Variants in CNTN5 observed in about 807,000 individuals in gnomAD.
CNTN5 encodes the protein contactin-5.
In CNTN5, 77 loss-of-function variants were observed where a neutral mutation model predicts 129.1. The observed-to-expected ratio is 0.60, with a 90% confidence interval of 0.50 to 0.72. The LOEUF (loss-of-function observed/expected upper bound fraction) is 0.72. CNTN5 is among the 30% of genes least tolerant of loss of function. The pLI is 0.00. For synonymous variants in CNTN5, 509 were observed against 465.6 expected (o/e 1.09, Z -1.20); for missense variants, 1,478 against 1,328.8 (o/e 1.11, Z -1.75).
At chr11:99,990,443 A>AAT (rs145384797) in intron 8 of CNTN5, among the ~76,000 whole-genome samples, 36,576 of 144,458 alleles carry the variant, frequency 0.25, 5,260 homozygotes, top group East Asian at 0.64. Context: ...TTATTTTTAG[A>AAT]ATATATATAT....
intron 23 of CNTN5, among the ~76,000 whole-genome samples, chr11:100,342,782 G>T (rs1376426405): frequency 6.6e-6 from 1 of 152,052 alleles, no homozygotes; most frequent in East Asian, 1.9e-4. Context: ...TTATATATGT[G>T]TATTATCAAA....
intron 3 of CNTN5, among the ~76,000 whole-genome samples, chr11:99,655,085 T>C (rs557320206): frequency 6.6e-6 from 1 of 152,054 alleles, no homozygotes; most frequent in African/African-American, 2.4e-5. Context: ...CTCATGCAGA[T>C]CCCATTCCTC....
chr11:100,192,957 A>AGT (rs1045305840), intron 14 of CNTN5, among the ~76,000 whole-genome samples: 2 of 151,892 alleles, frequency 1.3e-5, no homozygotes, highest in African/African-American at 4.8e-5. Flanking sequence ...CTTTTTGTCG[A>AGT]GTGTAAAGCA....
chr11:100,057,558 G>T (rs1943287347), intron 9 of CNTN5, among the ~76,000 whole-genome samples: 1 of 151,662 alleles, frequency 6.6e-6, no homozygotes, highest in South Asian at 2.1e-4. Flanking sequence ...AACATATGAG[G>T]CACTGGGGAC....
chr11:99,583,291 T>A (rs971251914), intron 3 of CNTN5, among the ~76,000 whole-genome samples: 1 of 152,230 alleles, frequency 6.6e-6, no homozygotes, highest in African/African-American at 2.4e-5. Context: ...TTGAGGAGGC[T>A]GTCTGCCCAT....
intron 1 of CNTN5, among the ~76,000 whole-genome samples, chr11:99,083,904 A>T (rs1865901562): frequency 6.6e-6 from 1 of 152,152 alleles, no homozygotes; most frequent in South Asian, 2.1e-4. Flanking sequence ...AGAGCCCTTA[A>T]TGTAGATTTC....
intron 18 of CNTN5, among the ~76,000 whole-genome samples, chr11:100,272,507 G>A (rs937446280): frequency 6.7e-6 from 1 of 150,218 alleles, no homozygotes; most frequent in African/African-American, 2.5e-5. Context: ...AAGGAAGGAA[G>A]GAGAATGGAG....
intron 1 of CNTN5, among the ~76,000 whole-genome samples, chr11:99,030,916 G>A (rs748207763): frequency 2.0e-5 from 3 of 151,698 alleles, no homozygotes; most frequent in African/African-American, 7.3e-5. Flanking sequence ...GAGTAGCTGC[G>A]ACTGGAGGCG....
At chr11:100,031,938 T>C (rs1763508901) in intron 9 of CNTN5, among the ~76,000 whole-genome samples, 1 of 150,936 alleles carries the variant, frequency 6.6e-6, no homozygotes, top group African/African-American at 2.5e-5. Context: ...GACCAGAAGG[T>C]GGTGACCCCC....
chr11:99,494,225 A>C (rs1463696964), intron 2 of CNTN5, among the ~76,000 whole-genome samples: 1 of 152,212 alleles, frequency 6.6e-6, no homozygotes, highest in Non-Finnish European at 1.5e-5. Context: ...ACCAAAGCCC[A>C]GATGGAATGC....
In CNTN5 at chr11:100,249,038, C is replaced by G. The variant is rs182254870; in HGVS notation, c.2006-6722C>G. On this transcript the variant is annotated intron_variant, in intron 16 of 24. Transcript: ENST00000524871. ...TTCTGAGGGAGGAATTTTCCACTTT[C>G]AAGTACTACTTCCTCATCTGAAAAA... 2.0e-4 allele frequency among the ~76,000 whole-genome samples: 30 copies of G among 152,250 alleles called. No homozygotes were observed. In the East Asian group the frequency reaches 5.6e-3, roughly 28 times the overall value.
At position 100,009,811 on chromosome 11, in the gene CNTN5, C is replaced by A. The variant is rs985758744; in HGVS notation, c.980+7675C>A. 2.6e-5 allele frequency among the ~76,000 whole-genome samples: 4 copies of A among 152,098 alleles called. No individual in the cohort carries two copies. In the East Asian group the frequency reaches 5.8e-4, roughly 22 times the overall value. ...TTGGAAACGAAAATTTAAATATTTT[C>A]TTTTGCTGGCTGCCCATCCACACAT... On this transcript the variant is annotated intron_variant, in intron 9 of 24. Transcript: ENST00000524871.
chr11:100,321,038 G>T (rs910266477), intron 21 of CNTN5, among the ~76,000 whole-genome samples: 1 of 151,932 alleles, frequency 6.6e-6, no homozygotes, highest in African/African-American at 2.4e-5. Flanking sequence ...TTGGCTATTT[G>T]GGGACTTTTG....
intron 21 of CNTN5, among the ~76,000 whole-genome samples, chr11:100,323,746 A>G (rs1427057797): frequency 2.0e-5 from 3 of 151,484 alleles, no homozygotes; most frequent in Non-Finnish European, 4.4e-5. Context: ...TCTTTTTCCA[A>G]TTCATTTTGT....
rs374266625 is a variant in CNTN5 at position 99,987,029 on chromosome 11, G to C, written c.878-15005G>C. Among the ~76,000 whole-genome samples the C allele has an allele frequency of 3.9e-5, 6 of 152,138 alleles. No individual in the cohort carries two copies. The East Asian group carries it at 1.2e-3, about 29-fold the overall frequency. ...TCCCAATAATTTAAAACAAAATATA[G>C]ATTTTTTCATAATTCCAGATTAGAA... On this transcript the variant is annotated intron_variant, in intron 8 of 24. Transcript: ENST00000524871.
At position 99,469,729 on chromosome 11, in the gene CNTN5, C is replaced by G. The variant is rs77113893; in HGVS notation, c.-70-86416C>G. On this transcript the variant is annotated intron_variant, in intron 2 of 24. Coordinates refer to ENST00000524871, the MANE Select transcript of CNTN5 (RefSeq NM_014361.4). ...TCTGTCTATGGTTTTATTTATAATA[C>G]TGATAAATTTTTAAATTTTTTTTTG... Among the ~76,000 whole-genome samples, 547 of 152,020 alleles carry G rather than the reference C, an allele frequency of 3.6e-3. 4 individuals carry two copies. Among genetic ancestry groups the G allele is most frequent in the Non-Finnish European group, 3.9e-3 (266 of 67,972 alleles).
intron 2 of CNTN5, among the ~76,000 whole-genome samples, chr11:99,546,493 G>A (rs749634192): frequency 1.3e-5 from 2 of 151,912 alleles, no homozygotes; most frequent in Non-Finnish European, 2.9e-5. Flanking sequence ...GTTATAAAGA[G>A]TTACAGCCTG....
At chr11:99,946,164 TA>T (rs1950549984) in intron 7 of CNTN5, among the ~76,000 whole-genome samples, 1 of 152,146 alleles carries the variant, frequency 6.6e-6, no homozygotes, top group Admixed American at 6.6e-5. Context: ...AACTGGTTTG[TA>T]TTCTTGAAAT....
intron 2 of CNTN5, among the ~76,000 whole-genome samples, chr11:99,406,351 T>G (rs117919657): frequency 6.6e-6 from 1 of 152,174 alleles, no homozygotes; most frequent in East Asian, 1.9e-4. Flanking sequence ...TTCTCTGGAT[T>G]ACCAAACAGA....
Sources: gnomAD v4.1 joint callset for allele counts (sites outside exome capture counted in the v4.1 genomes callset) on GRCh38, gnomAD v4.1.1 for gene constraint, MANE v1.5 for transcripts, NCBI Gene and HGNC (gene_info 2026-07-23, HGNC 2026-07-21) for gene names.